SHANK2: variants seen among roughly 807,000 people sequenced by gnomAD.
SHANK2 encodes SH3 and multiple ankyrin repeat domains 2.
Under a neutral mutation model 133.7 loss-of-function variants are expected in SHANK2, and 43 were observed. That is an observed-to-expected ratio of 0.32 (90% CI 0.25 to 0.41). The LOEUF (loss-of-function observed/expected upper bound fraction) is 0.41, where lower values mean the gene tolerates loss of function less well. SHANK2 is among the 10% of genes least tolerant of loss of function. The pLI is 1.00. For missense variants in SHANK2, 1,994 were observed against 2,235.8 expected (o/e 0.89, Z 2.18); for synonymous variants, 1,017 against 952.8 (o/e 1.07, Z -1.24).
chr11:70,946,361 A>C (rs1378593828), intron 10 of SHANK2, among the ~76,000 whole-genome samples: 1,939 of 60,730 alleles, frequency 0.032, 2 homozygotes, highest in African/African-American at 0.069. Flanking sequence ...ACTAACCAAC[A>C]CTTCCCAGGA....
intron 17 of SHANK2, among the ~76,000 whole-genome samples, chr11:70,573,555 G>A (rs2060076391): frequency 8.0e-6 from 1 of 124,662 alleles, no homozygotes; most frequent in African/African-American, 2.8e-5. Context: ...GGGGCGGGGG[G>A]GGGGTGGGGC....
chr11:70,653,041 C>T (rs111647280), intron 17 of SHANK2, among the ~76,000 whole-genome samples: 8,845 of 152,036 alleles, frequency 0.058, 340 homozygotes, highest in South Asian at 0.12. Flanking sequence ...GGAGCAATCT[C>T]GGCTCACTGC....
intron 9 of SHANK2, among the ~76,000 whole-genome samples, chr11:71,059,911 T>C (rs1950967553): frequency 2.6e-5 from 4 of 151,962 alleles, no homozygotes; most frequent in Non-Finnish European, 5.9e-5. Flanking sequence ...CTGTACAGAG[T>C]GGGGGGCTCT....
rs1021575232 is a variant in SHANK2 at position 70,804,107 on chromosome 11, A to G, written c.1663+2895T>C. ...CCAGACCCGACTTCCACTGCAAAAA[A>G]TGAGTTTGGTTTCTCTGGAAACCCT... On this transcript the variant is annotated intron_variant, in intron 13 of 25. Transcript: ENST00000601538. The surrounding 1 kb of genome is among the most constrained non-coding windows in gnomAD (Gnocchi z 4.1). Among the ~76,000 whole-genome samples, 7 of 152,130 alleles carry G rather than the reference A, an allele frequency of 4.6e-5. No individual in the cohort carries two copies. Among genetic ancestry groups the G allele is most frequent in the Admixed American group, 4.6e-4 (7 of 15,280 alleles).
intron 14 of SHANK2, among the ~76,000 whole-genome samples, chr11:70,790,262 AG>A (rs1395415976): frequency 8.5e-5 from 13 of 152,190 alleles, no homozygotes; most frequent in Non-Finnish European, 1.9e-4. Flanking sequence ...AGTCCCCAGT[AG>A]GGGAGGTGGG....
chr11:70,836,250 C>T (rs1305479511), intron 11 of SHANK2, among the ~76,000 whole-genome samples: 1 of 152,186 alleles, frequency 6.6e-6, no homozygotes, highest in African/African-American at 2.4e-5. Flanking sequence ...ATTCTCAGGC[C>T]GGCTCCACAC....
intron 25 of SHANK2, among the ~76,000 whole-genome samples, chr11:70,476,155 G>T (rs1032574734): frequency 3.5e-4 from 53 of 152,246 alleles, no homozygotes; most frequent in African/African-American, 1.2e-3. Context: ...TTGAACCCAG[G>T]AGGCGGAGGT....
At chr11:70,652,130 C>T (rs1479010812) in intron 17 of SHANK2, among the ~76,000 whole-genome samples, 2 of 152,252 alleles carry the variant, frequency 1.3e-5, no homozygotes, top group East Asian at 1.9e-4. Context: ...CCAAGGTGAT[C>T]TAAAAGCCAG....
intron 22 of SHANK2, among the ~76,000 whole-genome samples, chr11:70,491,503 C>T (rs1353776441): frequency 2.6e-5 from 4 of 152,220 alleles, no homozygotes; most frequent in African/African-American, 9.6e-5. Context: ...TAATTATTAA[C>T]AGTTGTTTAA....
chr11:70,574,919 C>A (rs1387306692), intron 17 of SHANK2, among the ~76,000 whole-genome samples: 1 of 152,174 alleles, frequency 6.6e-6, no homozygotes, highest in African/African-American at 2.4e-5. Flanking sequence ...CTTCATTTTG[C>A]CATGATACCC....
At chr11:71,080,831 C>CTGGCTG (rs1433110572) in intron 8 of SHANK2, among the ~76,000 whole-genome samples, 2 of 152,190 alleles carry the variant, frequency 1.3e-5, no homozygotes, top group African/African-American at 4.8e-5. Context: ...TTTTCAAAGG[C>CTGGCTG]TGGCTGTGGT....
At chr11:70,909,862 G>T (rs1005202614) in intron 10 of SHANK2, among the ~76,000 whole-genome samples, 2 of 152,206 alleles carry the variant, frequency 1.3e-5, no homozygotes, top group Non-Finnish European at 2.9e-5. Flanking sequence ...GTACGCTTGC[G>T]TATGAGTTTG....
At chr11:70,682,861 G>A (rs1945057127) in intron 15 of SHANK2, among the ~76,000 whole-genome samples, 2 of 152,184 alleles carry the variant, frequency 1.3e-5, no homozygotes, top group South Asian at 4.2e-4. Context: ...ATGACGTGAG[G>A]ATGGGGAATG....
At chr11:70,934,222 A>G (rs1555083062) in intron 10 of SHANK2, among the ~76,000 whole-genome samples, 1 of 140,492 alleles carries the variant, frequency 7.1e-6, no homozygotes, top group Non-Finnish European at 1.5e-5. Flanking sequence ...ACAGAGCGGG[A>G]CTGTGTCTCA....
chr11:70,878,075 C>T (rs1203663779), intron 11 of SHANK2, among the ~76,000 whole-genome samples: 4 of 152,232 alleles, frequency 2.6e-5, no homozygotes, highest in Non-Finnish European at 5.9e-5. Context: ...GACTTGGCCT[C>T]AGGAGCAGGG....
In SHANK2 at chr11:70,713,585, G is replaced by C. The variant is rs192006197; in HGVS notation, c.1778-14822C>G. 2.6e-5 allele frequency among the ~76,000 whole-genome samples: 4 copies of C among 152,326 alleles called. No individual in the cohort carries two copies. In the East Asian group the frequency reaches 7.7e-4, roughly 30 times the overall value. On this transcript the variant is annotated intron_variant, in intron 14 of 25. Coordinates refer to ENST00000601538, the MANE Select transcript of SHANK2 (RefSeq NM_012309.5). Reference sequence around the variant, plus strand: ...TCAGTTGCATGTTCCACTGATCATCGGAAAGCCAGGGTGAGGTGTCAGCCT... The same window carrying C: ...TCAGTTGCATGTTCCACTGATCATCCGAAAGCCAGGGTGAGGTGTCAGCCT...
At chr11:70,917,982 C>A (rs1199557068) in intron 10 of SHANK2, among the ~76,000 whole-genome samples, 1 of 151,144 alleles carries the variant, frequency 6.6e-6, no homozygotes, top group Admixed American at 6.6e-5. Context: ...GGTAACAAAC[C>A]TGCCCGTTCT....
At chr11:70,767,845 G>A (rs1248752730) in intron 14 of SHANK2, among the ~76,000 whole-genome samples, 3 of 152,094 alleles carry the variant, frequency 2.0e-5, no homozygotes, top group South Asian at 2.1e-4. Flanking sequence ...TGTCAATTTC[G>A]CCTGAATCAA....
At chr11:71,249,573 G>A (rs1948142255) in intron 1 of SHANK2, among the ~76,000 whole-genome samples, 1 of 152,174 alleles carries the variant, frequency 6.6e-6, no homozygotes, top group Admixed American at 6.5e-5. Context: ...TTGCAGGCAG[G>A]TAAGACCTCA....
Sources: allele counts gnomAD v4.1 joint callset (sites outside exome capture counted in the v4.1 genomes callset), GRCh38; gene constraint gnomAD v4.1.1; non-coding constraint Gnocchi (gnomAD v3.1); transcripts MANE v1.5; gene names NCBI Gene and HGNC (gene_info 2026-07-23, HGNC 2026-07-21).